REPS1: variants seen among roughly 807,000 people sequenced by gnomAD.
The protein encoded by REPS1 is ralBP1-associated Eps domain-containing protein 1.
In REPS1, 39 loss-of-function variants were observed where a neutral mutation model predicts 100.9. The observed-to-expected ratio is 0.39, with a 90% CI of 0.30 to 0.50. The LOEUF is 0.50. Ranked by LOEUF, REPS1 falls within the 20% of genes least tolerant of loss-of-function variation. The pLI is 0.86. For synonymous variants in REPS1, 324 were observed against 340.3 expected (o/e 0.95, Z 0.53); for missense variants, 821 against 968.5 (o/e 0.85, Z 2.02).
At chr6:138,914,578 C>T (rs1261639217) in intron 15 of REPS1, 119 bp downstream of exon 15, 6 of 768,752 alleles carry the variant, frequency 7.8e-6, no homozygotes, top group South Asian at 3.1e-5. Context: ...GAATTAAATG[C>T]TCATTAAAGA....
chr6:138,909,970 T>G (rs944350002), intron 17 of REPS1, among the ~76,000 whole-genome samples: 1 of 152,192 alleles, frequency 6.6e-6, no homozygotes, highest in African/African-American at 2.4e-5. Flanking sequence ...ACCAAAATTA[T>G]TCCCTCAAAG....
chr6:138,968,720 A>G (rs1784149907), intron 1 of REPS1, among the ~76,000 whole-genome samples: 1 of 152,242 alleles, frequency 6.6e-6, no homozygotes, highest in African/African-American at 2.4e-5. Flanking sequence ...AAAAATATAT[A>G]TTCAATGAAA....
intron 1 of REPS1, among the ~76,000 whole-genome samples, chr6:138,955,897 T>C (rs1783355740): frequency 1.3e-5 from 2 of 152,194 alleles, no homozygotes; most frequent in African/African-American, 2.4e-5. Flanking sequence ...AATGAGGCTG[T>C]ATTCAATAAA....
chr6:138,979,180 C>CAAAAAAAAA lies in REPS1; in HGVS notation c.153+8341_153+8349dup, dbSNP rs568626153. 2.0e-3 allele frequency among the ~76,000 whole-genome samples: 117 copies of CAAAAAAAAA among 59,282 alleles called. 4 individuals are homozygous for CAAAAAAAAA. The highest frequency in any genetic ancestry group is 2.8e-3 in the Non-Finnish European group (97 of 34,334). The allele number at this position is 59,282 out of a possible 152,430, so 38.9% of individuals were successfully genotyped here. ...TGGGCGACAGAGCGAGAATCCATCACAAAAAAAAAAAAAAAAACAAAAAAA... is the reference window on the plus strand; with the variant it reads ...TGGGCGACAGAGCGAGAATCCATCACAAAAAAAAAAAAAAAAAAAAAAAAAACAAAAAAA... On this transcript the variant is annotated intron_variant, in intron 1 of 19. Transcript: ENST00000450536.
At position 138,914,759 on chromosome 6, in the gene REPS1, G is replaced by A. The variant is rs1185076016; in HGVS notation, c.1723C>T (p.Gln575Ter). Residue 575 changes from glutamine (Q) to a stop codon, truncating the protein, a stop_gained and splice_region_variant, in exon 15 of 20, where the codon CAA becomes TAA. Transcript: ENST00000450536. LOFTEE classifies it high-confidence loss of function. ...MNRTFTVTTG[Q>*]QQAGVVAHPP... is the part of the protein sequence containing the mutation. ...TGGGCAACAACTCCAGCCTGTTGTT[G>A]TCCTGCATGAATACAAAAGTTCTTC... 6.2e-7 allele frequency: 1 copy of A among 1,609,186 alleles called. No homozygotes were observed. The highest frequency in any genetic ancestry group is 1.1e-5 in the South Asian group (1 of 89,676).
intron 1 of REPS1, among the ~76,000 whole-genome samples, chr6:138,971,485 A>G (rs1784342156): frequency 6.6e-6 from 1 of 151,874 alleles, no homozygotes; most frequent in Non-Finnish European, 1.5e-5. Context: ...AAAAAAAAGT[A>G]TACGCTATAG....
At chr6:138,947,674 C>T in intron 2 of REPS1, 116 bp downstream of exon 2, 1 of 906,846 alleles carries the variant, frequency 1.1e-6, no homozygotes. Flanking sequence ...CACGACACTT[C>T]ACTCAAGGTC....
intron 1 of REPS1, among the ~76,000 whole-genome samples, chr6:138,968,415 G>A (rs1411102551): frequency 1.3e-5 from 2 of 152,028 alleles, no homozygotes; most frequent in Non-Finnish European, 2.9e-5. Flanking sequence ...CAAAGTAATG[G>A]GCAAAGAGAA....
intron 1 of REPS1, among the ~76,000 whole-genome samples, chr6:138,954,369 T>C (rs1783240077): frequency 6.6e-6 from 1 of 152,144 alleles, no homozygotes; most frequent in Non-Finnish European, 1.5e-5. Flanking sequence ...ATGGATATGC[T>C]ACTTACCCTG....
At position 138,917,582 on chromosome 6, in the gene REPS1, T is replaced by C. The variant is rs755325656; in HGVS notation, c.1574A>G (p.Gln525Arg). The C allele has an allele frequency of 6.2e-7, 1 of 1,613,734 alleles. No homozygotes were observed. The highest frequency in any genetic ancestry group is 8.5e-7 in the Non-Finnish European group (1 of 1,179,746). Residue 525 changes from glutamine to arginine, a missense_variant, in exon 13 of 20, where the codon CAG (glutamine) becomes CGG (arginine). By Grantham distance (43) the Gln-to-Arg change is conservative. This residue lies in a region of REPS1 where 757 missense variants were observed against 866.4 expected (regional missense o/e 0.87). Coordinates refer to ENST00000450536, the MANE Select transcript of REPS1 (RefSeq NM_001286611.2). The stretch of plus-strand genomic sequence containing the variant: ...TTGACGAGTTACATTGCTCCCGATC[T>C]GTTCTGGGTCAGAAGTAAAAGAGTC... ...SSDSFTSDPE[Q>R]IGSNVTRQRS...
At chr6:138,968,510 TC>T (rs140791115) in intron 1 of REPS1, among the ~76,000 whole-genome samples, 13,361 of 152,226 alleles carry the variant, frequency 0.088, 1,219 homozygotes, top group African/African-American at 0.23. Context: ...CTGGTTTTTT[TC>T]CACTATGCCA....
intron 9 of REPS1, chr6:138,926,715 T>C: frequency 2.2e-6 from 1 of 446,830 alleles, no homozygotes; most frequent in Non-Finnish European, 4.1e-6. Context: ...TTGCAATCTC[T>C]ATGGAAGAGA....
At chr6:138,915,770 G>T (rs1780326734) in intron 14 of REPS1, 88 bp downstream of exon 14, 1 of 998,250 alleles carries the variant, frequency 1.0e-6, no homozygotes, top group Non-Finnish European at 1.5e-6. Flanking sequence ...TAAAAGACAT[G>T]TAATAGAAAC....
At chr6:138,910,367 T>C (rs1424806063) in intron 17 of REPS1, among the ~76,000 whole-genome samples, 1 of 152,206 alleles carries the variant, frequency 6.6e-6, no homozygotes, top group Admixed American at 6.5e-5. Flanking sequence ...CCTCTTTTCT[T>C]TTTTTGAGAC....
At chr6:138,971,591 A>T (rs1008893519) in intron 1 of REPS1, among the ~76,000 whole-genome samples, 1 of 127,718 alleles carries the variant, frequency 7.8e-6, no homozygotes, top group African/African-American at 4.1e-5. Context: ...TGCTATAGAT[A>T]AAAAAAAGTG....
At chr6:138,913,280 T>C (rs182707272) in intron 15 of REPS1, among the ~76,000 whole-genome samples, 14 of 152,308 alleles carry the variant, frequency 9.2e-5, no homozygotes, top group African/African-American at 3.1e-4. Context: ...TTTTTCTTAA[T>C]TGGACTAATG....
chr6:138,966,862 T>A (rs9389638), intron 1 of REPS1, among the ~76,000 whole-genome samples: 96,987 of 152,040 alleles, frequency 0.64, 32,723 homozygotes, highest in East Asian at 0.87. Flanking sequence ...CAAATTTCCT[T>A]ACATTTCATA....
intron 1 of REPS1, among the ~76,000 whole-genome samples, chr6:138,982,419 AC>A (rs1369297525): frequency 6.6e-6 from 1 of 152,212 alleles, no homozygotes; most frequent in Non-Finnish European, 1.5e-5. Flanking sequence ...TAGTACTAGA[AC>A]CCTTTATCAA....
intron 16 of REPS1, among the ~76,000 whole-genome samples, chr6:138,911,795 G>A (rs1582705128): frequency 1.3e-5 from 2 of 151,270 alleles, no homozygotes; most frequent in Admixed American, 6.6e-5. Flanking sequence ...ATGTGTGAGG[G>A]AGAGGAGGAG....
Sources: gnomAD v4.1 joint callset for allele counts (sites outside exome capture counted in the v4.1 genomes callset) on GRCh38, gnomAD v4.1.1 for gene constraint, gnomAD v4.1.1 regional missense constraint, MANE v1.5 for transcripts, NCBI Gene and HGNC (gene_info 2026-07-23, HGNC 2026-07-21) for gene names.